The following DSG4 variants were observed in gnomAD, a reference collection of about 807,000 sequenced individuals.
The protein encoded by DSG4 is desmoglein 4.
Under a neutral mutation model 93.1 loss-of-function variants are expected in DSG4, and 87 were observed. The ratio of observed to expected loss-of-function variants is 0.93; its 90% confidence interval spans 0.79 to 1.12. DSG4 has a LOEUF of 1.12. Among genes scored for constraint, DSG4 ranks in the 50% most tolerant of loss-of-function variants. The probability of loss-of-function intolerance (pLI) is 0.00; values close to 1 mark genes in which losing one functional copy is unlikely to be tolerated. For synonymous variants in DSG4, 432 were observed against 452.9 expected (o/e 0.95, Z 0.59); for missense variants, 1,373 against 1,285.7 (o/e 1.07, Z -1.04).
chr18:31,408,565 G>C (rs1037130185), intron 12 of DSG4, among the ~76,000 whole-genome samples: 2 of 152,078 alleles, frequency 1.3e-5, no homozygotes, highest in African/African-American at 4.8e-5. Context: ...TTTAATTTTT[G>C]TGGGTACATA....
At position 31,399,429 on chromosome 18, in the gene DSG4, G is replaced by A; in HGVS notation, c.1163G>A (p.Ser388Asn). 1 of 1,614,058 alleles carries A rather than the reference G, an allele frequency of 6.2e-7. No individual in the cohort carries two copies. The highest frequency in any genetic ancestry group is 1.1e-5 in the South Asian group (1 of 91,086). Residue 388 changes from serine (S) to asparagine (N), a missense_variant, in exon 9 of 16, where the codon AGT (serine) becomes AAT (asparagine). By Grantham distance (46) the Ser-to-Asn change is conservative (BLOSUM62 1). Coordinates refer to ENST00000308128, the MANE Select transcript of DSG4 (RefSeq NM_177986.5). ...DVREGPAFHP[S>N]TMAFSVREGI... ...AGAGAAGGACCTGCATTTCATCCAA[G>A]TACTATGGCTTTTAGTGTGCGGGAA...
At chr18:31,401,509 G>A (rs1214676957) in intron 10 of DSG4, 1 of 152,858 alleles carries the variant, frequency 6.5e-6, no homozygotes, top group Non-Finnish European at 1.5e-5. Context: ...AAGATGCTAT[G>A]GACCAAGAAA....
chr18:31,411,623 A>G (rs1171152213), intron 15 of DSG4, among the ~76,000 whole-genome samples, 175 bp downstream of exon 15: 1 of 152,194 alleles, frequency 6.6e-6, no homozygotes, highest in Non-Finnish European at 1.5e-5. Flanking sequence ...AATTTGCCAC[A>G]GGATTTCATA....
Position 31,399,541 on chromosome 18 carries a change from C to T in DSG4, c.1275C>T (p.Val425=). 6.2e-7 allele frequency: 1 copy of T among 1,613,774 alleles called. No individual in the cohort carries two copies. The highest frequency in any genetic ancestry group is 2.2e-5 in the East Asian group (1 of 44,886). Residue 425 remains valine (V), a splice_region_variant and synonymous_variant, in exon 9 of 16, where the codon GTC becomes GTT. Coordinates refer to ENST00000308128, the MANE Select transcript of DSG4 (RefSeq NM_177986.5). ...ACACAGGAAACCCTGCAACAGATGT[C>T]AGGTACTGCAACTATTTTCTTCATG... ...DLDTGNPATD[V]RYIIGHDAGS... is the part of the protein sequence containing the mutation.
intron 9 of DSG4, among the ~76,000 whole-genome samples, chr18:31,400,257 T>A (rs999557683): frequency 7.9e-5 from 12 of 152,196 alleles, no homozygotes; most frequent in Non-Finnish European, 1.0e-4. Context: ...AGTTATTAAA[T>A]CAGTTAACAA....
At chr18:31,399,572 T>C (rs2072343330) in intron 9 of DSG4, 29 bp downstream of exon 9, 13 of 1,613,468 alleles carry the variant, frequency 8.1e-6, no homozygotes, top group Non-Finnish European at 6.8e-6. Flanking sequence ...TCATGTTCTA[T>C]GGTTCTATCC....
intron 11 of DSG4, among the ~76,000 whole-genome samples, chr18:31,404,280 G>A (rs183231728): frequency 3.9e-5 from 6 of 152,270 alleles, no homozygotes; most frequent in Admixed American, 3.3e-4. Context: ...AGAAAGTAAA[G>A]TGAAAAACAG....
Position 31,391,063 on chromosome 18 carries a change from T to A in DSG4, c.685-15T>A. ...ACAAAACCTAAGTCTTACGTTCTTTTTCATCTTGATTAAGCAACACAGTAT... is the reference window on the plus strand; with the variant it reads ...ACAAAACCTAAGTCTTACGTTCTTTATCATCTTGATTAAGCAACACAGTAT... On this transcript the variant is annotated splice_polypyrimidine_tract_variant and intron_variant, in intron 6 of 15. Transcript: ENST00000308128. 1 of 1,613,446 alleles carries A rather than the reference T, an allele frequency of 6.2e-7. No homozygotes were observed. Among genetic ancestry groups the A allele is most frequent in the Non-Finnish European group, 8.5e-7 (1 of 1,179,634 alleles).
At chr18:31,408,565 G>T (rs1037130185) in intron 12 of DSG4, among the ~76,000 whole-genome samples, 3 of 152,078 alleles carry the variant, frequency 2.0e-5, no homozygotes, top group Non-Finnish European at 4.4e-5. Context: ...TTTAATTTTT[G>T]TGGGTACATA....
At chr18:31,380,221 A>T (rs1209416228) in intron 1 of DSG4, among the ~76,000 whole-genome samples, 1 of 152,186 alleles carries the variant, frequency 6.6e-6, no homozygotes, top group African/African-American at 2.4e-5. Flanking sequence ...ATCCTGCCCT[A>T]AAAAGATTTC....
chr18:31,405,879 T>A (rs1420187393), intron 11 of DSG4, among the ~76,000 whole-genome samples, 198 bp from the exon 12 acceptor site: 4 of 151,442 alleles, frequency 2.6e-5, no homozygotes, highest in Non-Finnish European at 4.4e-5. Context: ...AATGAGACTC[T>A]GTCTCAAAAA....
Position 31,413,677 on chromosome 18 carries a change from T to C in DSG4, c.*82T>C. 1 of 1,498,518 alleles carries C rather than the reference T, an allele frequency of 6.7e-7. No individual in the cohort carries two copies. Among genetic ancestry groups the C allele is most frequent in the East Asian group, 2.3e-5 (1 of 43,812 alleles). The allele number at this position is 1,498,518 out of a possible 1,614,324, so 92.8% of individuals were successfully genotyped here. ...TCCACCAAAAATATATAATGTACCA[T>C]ATATATTAATAGTCAACAAATACTC... On this transcript the variant is annotated 3_prime_UTR_variant, in exon 16 of 16. Coordinates refer to ENST00000308128, the MANE Select transcript of DSG4 (RefSeq NM_177986.5).
chr18:31,393,060 A>G (rs1202225098), intron 8 of DSG4, among the ~76,000 whole-genome samples: 3 of 152,232 alleles, frequency 2.0e-5, no homozygotes, highest in African/African-American at 7.2e-5. Flanking sequence ...AAAATTTATA[A>G]TTAGAAACGA....
At position 31,406,302 on chromosome 18, in the gene DSG4, C is replaced by G; in HGVS notation, c.1862C>G (p.Ala621Gly). ...DTYGPVTEDQ[A>G]GVSNVGLGPA... is the part of the protein sequence containing the mutation. ...TATGGGCCTGTCACTGAAGACCAAG[C>G]TGGAGTTTCAAATGTTGGTCTTGGA... Residue 621 changes from alanine (A) to glycine (G), a missense_variant, in exon 12 of 16, where the codon GCT (alanine) becomes GGT (glycine). Coordinates refer to ENST00000308128, the MANE Select transcript of DSG4 (RefSeq NM_177986.5). The G allele has an allele frequency of 6.2e-7, 1 of 1,614,208 alleles. No individual in the cohort carries two copies. Among genetic ancestry groups the G allele is most frequent in the East Asian group, 2.2e-5 (1 of 44,886 alleles).
intron 15 of DSG4, 44 bp downstream of exon 15, chr18:31,411,492 T>C (rs1431258415): frequency 6.3e-7 from 1 of 1,587,156 alleles, no homozygotes; most frequent in East Asian, 2.2e-5. Context: ...TGAGATTGAA[T>C]AATAATAATA....
chr18:31,381,278 G>C (rs150519683), intron 1 of DSG4, among the ~76,000 whole-genome samples: 4 of 152,084 alleles, frequency 2.6e-5, no homozygotes, highest in Non-Finnish European at 5.9e-5. Flanking sequence ...GAAGCTGCCA[G>C]CCACTACATT....
intron 1 of DSG4, among the ~76,000 whole-genome samples, chr18:31,380,842 G>GAATA (rs2072125927): frequency 6.6e-6 from 1 of 152,132 alleles, no homozygotes; most frequent in South Asian, 2.1e-4. Context: ...GAATGTAAGA[G>GAATA]AATAATATCT....
chr18:31,393,322 A>G (rs2144183673), intron 8 of DSG4, among the ~76,000 whole-genome samples: 1 of 152,280 alleles, frequency 6.6e-6, no homozygotes, highest in Admixed American at 6.5e-5. Context: ...GTGTTACCAT[A>G]AAGTAATAGC....
intron 8 of DSG4, among the ~76,000 whole-genome samples, chr18:31,395,839 GA>G (rs1568066286): frequency 6.6e-6 from 1 of 152,112 alleles, no homozygotes; most frequent in East Asian, 1.9e-4. Context: ...AGTCTCTAGC[GA>G]AAGATGGGTG....
Sources: gnomAD v4.1 joint callset for allele counts (sites outside exome capture counted in the v4.1 genomes callset) on GRCh38, gnomAD v4.1.1 for gene constraint, MANE v1.5 for transcripts, NCBI Gene and HGNC (gene_info 2026-07-23, HGNC 2026-07-21) for gene names.